The following ABHD17A variants were observed in gnomAD, a reference collection of about 807,000 sequenced individuals.
The protein encoded by ABHD17A is abhydrolase domain containing 17A, depalmitoylase.
In ABHD17A, 10 loss-of-function variants were observed where a neutral mutation model predicts 26.8. The observed-to-expected ratio is 0.37, with a 90% CI of 0.23 to 0.63. The LOEUF (loss-of-function observed/expected upper bound fraction) is 0.63, where lower values mean the gene tolerates loss of function less well. ABHD17A is among the 30% of genes least tolerant of loss of function. The probability of loss-of-function intolerance (pLI) is 0.61; values close to 1 mark genes in which losing one functional copy is unlikely to be tolerated. For missense variants in ABHD17A, 292 were observed against 457.3 expected (o/e 0.64, Z 3.30); for synonymous variants, 167 against 210.9 (o/e 0.79, Z 1.80).
In ABHD17A at chr19:1,877,049, C is replaced by G. The variant is rs1162631824; in HGVS notation, c.*151G>C. On this transcript the variant is annotated 3_prime_UTR_variant, in exon 5 of 5. Coordinates refer to ENST00000292577, the MANE Select transcript of ABHD17A (RefSeq NM_001130111.2). ...TCCAAAAGGAAAGGAGTGCGTAGCT[C>G]TGTTGCCTGTACATCGTCCACAGCC... The G allele has an allele frequency of 1.7e-6, 1 of 601,234 alleles. No individual in the cohort carries two copies. Among genetic ancestry groups the G allele is most frequent in the Non-Finnish European group, 3.0e-6 (1 of 338,644 alleles). The allele number at this position is 601,234 out of a possible 1,614,324, so 37.2% of individuals were successfully genotyped here. A position where few individuals can be genotyped will look rare whatever the true frequency, so the allele number is the denominator to read the frequency against.
At position 1,876,866 on chromosome 19, in the gene ABHD17A, C is replaced by T. The variant is rs1188749617; in HGVS notation, c.*334G>A. 5.6e-6 allele frequency: 2 copies of T among 357,908 alleles called. No homozygotes were observed. Among genetic ancestry groups the T allele is most frequent in the East Asian group, 1.4e-4 (2 of 13,822 alleles). The allele number at this position is 357,908 out of a possible 1,614,324, so 22.2% of individuals were successfully genotyped here. On this transcript the variant is annotated 3_prime_UTR_variant, in exon 5 of 5. Coordinates refer to ENST00000292577, the MANE Select transcript of ABHD17A (RefSeq NM_001130111.2). ...AGTAAAACCTATAAGGGGGTCCGTG[C>T]CGATCTCTCCTAGGGACTCAGGGAC...
chr19:1,884,284 A>T (rs571064550), intron 1 of ABHD17A, among the ~76,000 whole-genome samples: 1 of 152,240 alleles, frequency 6.6e-6, no homozygotes, highest in South Asian at 2.1e-4. Flanking sequence ...AGAATCCCCA[A>T]GGTCCGCCAG....
chr19:1,881,056 A>C (rs774149245), intron 2 of ABHD17A, 179 bp downstream of exon 2: 1 of 1,602,924 alleles, frequency 6.2e-7, no homozygotes, highest in Non-Finnish European at 8.5e-7. Flanking sequence ...TGTCTGCGAG[A>C]GAAAATTGCC....
At chr19:1,885,022 G>A (rs750585749) in intron 1 of ABHD17A, among the ~76,000 whole-genome samples, 15 of 152,202 alleles carry the variant, frequency 9.9e-5, no homozygotes, top group Admixed American at 2.0e-4. Context: ...GGGGGCGAGA[G>A]GCCGAAGCGT....
At chr19:1,883,131 T>C (rs1208933602) in intron 1 of ABHD17A, 14 of 152,206 alleles carry the variant, frequency 9.2e-5, no homozygotes, top group Admixed American at 9.2e-4. Context: ...GGGGCAAGGA[T>C]GGCATCCCAG....
rs375288696 is a variant in ABHD17A, at chr19:1,881,309, G to C, written c.258C>G (p.Ile86Met). 23 of 1,610,934 alleles carry C rather than the reference G, an allele frequency of 1.4e-5. No individual in the cohort carries two copies. Among genetic ancestry groups the C allele is most frequent in the Admixed American group, 1.7e-5 (1 of 60,020 alleles). Residue 86 changes from isoleucine (I) to methionine (M), a missense_variant, in exon 2 of 5, where the codon ATC becomes ATG. By Grantham distance (10) the Ile-to-Met change is conservative. Around this residue, in one of 4 missense-constraint regions of ABHD17A, gnomAD observed 171 missense variants for 216.1 expected, o/e 0.79. Transcript: ENST00000292577. ...FQYSQRELDT[I>M]EVFPTKSARG... The stretch of plus-strand genomic sequence containing the variant: ...GGGCGCTCTTGGTGGGGAAGACCTC[G>C]ATGGTGTCCAGCTCGCGCTGGCTGT...
Position 1,881,417 on chromosome 19 carries a change from G to A in ABHD17A, c.150C>T (p.Ala50=), listed in dbSNP as rs1427170647. The A allele has an allele frequency of 1.2e-5, 19 of 1,602,114 alleles. No individual in the cohort carries two copies. The highest frequency in any genetic ancestry group is 1.0e-4 in the Admixed American group (6 of 59,768). The change falls in exon 2 of 5, where the codon GCC becomes GCT. Residue 50 remains alanine (A), a synonymous_variant. Transcript: ENST00000292577. ...AGGCTCTCAGGGTCCCCAAGGGGGC[G>A]GCCCCGGCCCCACCAGGCCCCGGCT... ...EPEPGPGGAG[A]APLGTLRASS...
At position 1,880,021 on chromosome 19, in the gene ABHD17A, A is replaced by T; in HGVS notation, c.427T>A (p.Phe143Ile). The T allele has an allele frequency of 6.2e-7, 1 of 1,613,242 alleles. No individual in the cohort carries two copies. The highest frequency in any genetic ancestry group is 8.5e-7 in the Non-Finnish European group (1 of 1,180,002). ...CCGTAGCCGGAGTAGTCGTAGGAGA[A>T]GATGTTGCAGTGGAGGCGGGAGCCC... ...GLGSRLHCNI[F>I]SYDYSGYGAS... Residue 143 changes from phenylalanine (F) to isoleucine (I), a missense_variant, in exon 3 of 5, where the codon TTC becomes ATC. Phe to Ile is a conservative substitution (Grantham distance 21). This residue lies in a region of ABHD17A where 171 missense variants were observed against 216.1 expected (regional missense o/e 0.79). Transcript: ENST00000292577. This position sits in a 1 kb window ranked among gnomAD's most constrained non-coding sequence, Gnocchi z 4.1.
chr19:1,877,353 G>T lies in ABHD17A; in HGVS notation c.780C>A (p.Phe260Leu), dbSNP rs1437524738. 9.1e-6 allele frequency: 14 copies of T among 1,544,404 alleles called. No homozygotes were observed. Among genetic ancestry groups the T allele is most frequent in the Non-Finnish European group, 1.1e-5 (13 of 1,151,684 alleles). The change falls in exon 5 of 5, where the codon TTC becomes TTA. Residue 260 changes from phenylalanine to leucine, a missense_variant. By Grantham distance (22) the Phe-to-Leu change is conservative (BLOSUM62 0). Coordinates refer to ENST00000292577, the MANE Select transcript of ABHD17A (RefSeq NM_001130111.2). ...GCTCGTAGAGCGCCAGCCCGTGCGAGAAGTCGATCACCTCGTCCTCCGTGC... is the reference window on the plus strand; with the variant it reads ...GCTCGTAGAGCGCCAGCCCGTGCGATAAGTCGATCACCTCGTCCTCCGTGC... The part of the protein sequence containing the change: ...IHGTEDEVID[F>L]SHGLALYERC...
In ABHD17A at chr19:1,881,381, T is replaced by G; in HGVS notation, c.186A>C (p.Ala62=). 6.2e-7 allele frequency: 1 copy of G among 1,606,334 alleles called. No homozygotes were observed. Among genetic ancestry groups the G allele is most frequent in the South Asian group, 1.1e-5 (1 of 90,920 alleles). ...PLGTLRASSG[A]PGRWKLHLTE... ...TCAGGTGCAGCTTCCAGCGCCCGGG[T>G]GCGCCCGAGGAGGCTCTCAGGGTCC... Residue 62 remains alanine (A), a synonymous_variant, in exon 2 of 5, where the codon GCA becomes GCC. Coordinates refer to ENST00000292577, the MANE Select transcript of ABHD17A (RefSeq NM_001130111.2).
rs2012545845 is a variant in ABHD17A at position 1,881,785 on chromosome 19, A to G, written c.-219T>C. ...GGGAGCCTCGCAACCACAGGTCTCC[A>G]TGTCGTGCCGTGGGAAGCCCTGCGG... On this transcript the variant is annotated 5_prime_UTR_variant, in exon 2 of 5. It removes an upstream start codon present in the reference 5' UTR. Transcript: ENST00000292577. 2 of 578,188 alleles carry G rather than the reference A, an allele frequency of 3.5e-6. No individual in the cohort carries two copies. The highest frequency in any genetic ancestry group is 5.5e-6 in the Non-Finnish European group (2 of 363,208). 35.8% of individuals were successfully genotyped at this position (578,188 alleles called of 1,614,324 possible). A position where few individuals can be genotyped will look rare whatever the true frequency, so the allele number is the denominator to read the frequency against.
intron 1 of ABHD17A, among the ~76,000 whole-genome samples, chr19:1,885,105 G>C (rs2012642754): frequency 6.6e-6 from 1 of 152,226 alleles, no homozygotes; most frequent in Admixed American, 6.5e-5. Context: ...CCGAAGGCAA[G>C]GGCCGCGTCC....
rs2012449487 is a variant in ABHD17A at position 1,879,055 on chromosome 19, A to C, written c.527+866T>G. 6.6e-6 allele frequency: 1 copy of C among 152,256 alleles called. No individual in the cohort carries two copies. The highest frequency in any genetic ancestry group is 1.5e-5 in the Non-Finnish European group (1 of 68,080). 9.4% of individuals were successfully genotyped at this position (152,256 alleles called of 1,614,324 possible). A position where few individuals can be genotyped will look rare whatever the true frequency, so the allele number is the denominator to read the frequency against. ...GTGGTGATTGGTGTCAGCGTCCCACACTGCTGGGAGGCCCCCAGAGCCAGG... is the reference window on the plus strand; with the variant it reads ...GTGGTGATTGGTGTCAGCGTCCCACCCTGCTGGGAGGCCCCCAGAGCCAGG... On this transcript the variant is annotated intron_variant, in intron 3 of 4. Coordinates refer to ENST00000292577, the MANE Select transcript of ABHD17A (RefSeq NM_001130111.2). The surrounding 1 kb of genome is among the most constrained non-coding windows in gnomAD (Gnocchi z 7.6).
At chr19:1,885,042 T>G (rs937745978) in intron 1 of ABHD17A, among the ~76,000 whole-genome samples, 23 of 152,068 alleles carry the variant, frequency 1.5e-4, no homozygotes, top group African/African-American at 5.6e-4. Context: ...TTTGTCGGAC[T>G]GGGGGCAGTT....
chr19:1,883,348 C>G (rs1416140612), intron 1 of ABHD17A: 1 of 152,358 alleles, frequency 6.6e-6, no homozygotes, highest in East Asian at 1.9e-4. Context: ...GACAGACCCA[C>G]CCCAAAGAAT....
chr19:1,877,262 T>C lies in ABHD17A; in HGVS notation c.871A>G (p.Ser291Gly), dbSNP rs1480917816. ...GAGHNDIELY[S>G]QYLERLRRFI... ...CGACGCAGGCGCTCCAGGTACTGGC[T>C]GTAGAGCTCGATGTCGTTGTGCCCG... Residue 291 changes from serine (S) to glycine (G), a missense_variant, in exon 5 of 5, where the codon AGC (serine) becomes GGC (glycine). Ser to Gly is a moderately conservative substitution (Grantham distance 56). Transcript: ENST00000292577. 26 of 1,545,480 alleles carry C rather than the reference T, an allele frequency of 1.7e-5. No homozygotes were observed. Among genetic ancestry groups the C allele is most frequent in the Non-Finnish European group, 2.2e-5 (25 of 1,150,716 alleles).
chr19:1,878,040 TG>T (rs921969708), intron 3 of ABHD17A: 14 of 308,142 alleles, frequency 4.5e-5, no homozygotes, highest in African/African-American at 9.0e-5. Flanking sequence ...GGGAACTGTG[TG>T]GCCCCCACAT....
In ABHD17A at chr19:1,877,543, G is replaced by A. The variant is rs1163487403; in HGVS notation, c.672C>T (p.Asp224=). The change falls in exon 4 of 5, where the codon GAC becomes GAT. Residue 224 remains aspartate, a synonymous_variant. Transcript: ENST00000292577. ...CGTCGAAGCAGTAGGTCTTCTTGGT[G>A]TCGGGGAAGGCGACGCGCATGCCCG... ...LTSGMRVAFP[D]TKKTYCFDAF... The A allele has an allele frequency of 6.3e-7, 1 of 1,595,424 alleles. No individual in the cohort carries two copies. Among genetic ancestry groups the A allele is most frequent in the East Asian group, 2.2e-5 (1 of 44,820 alleles).
rs1003502119 is a variant in ABHD17A at position 1,880,446 on chromosome 19, G to A, written c.333-331C>T. ...TCGCATCCTCTCTCAGGGCAGACTC[G>A]CAGTGTGTGCTCAGATACTGCAGGC... On this transcript the variant is annotated intron_variant, in intron 2 of 4. Coordinates refer to ENST00000292577, the MANE Select transcript of ABHD17A (RefSeq NM_001130111.2). This position sits in a 1 kb window ranked among gnomAD's most constrained non-coding sequence, Gnocchi z 4.1. 2.0e-5 allele frequency among the ~76,000 whole-genome samples: 3 copies of A among 152,198 alleles called. No homozygotes were observed. The highest frequency in any genetic ancestry group is 4.4e-5 in the Non-Finnish European group (3 of 68,018).
Sources: allele counts gnomAD v4.1 joint callset (sites outside exome capture counted in the v4.1 genomes callset), GRCh38; gene constraint gnomAD v4.1.1; regional missense constraint gnomAD v4.1.1; non-coding constraint Gnocchi (gnomAD v3.1); transcripts MANE v1.5; gene names NCBI Gene and HGNC (gene_info 2026-07-23, HGNC 2026-07-21).